DDX24: variants seen among roughly 807,000 people sequenced by gnomAD.
DDX24 encodes DEAD-box helicase 24.
In DDX24, 24 loss-of-function variants were observed where a neutral mutation model predicts 68.9. The ratio of observed to expected loss-of-function variants is 0.35; its 90% CI spans 0.25 to 0.49. The LOEUF (loss-of-function observed/expected upper bound fraction) is 0.49, where lower values mean the gene tolerates loss of function less well. Among genes scored for constraint, DDX24 ranks in the 20% least tolerant of loss-of-function variants. The pLI is 0.99. For synonymous variants in DDX24, 395 were observed against 385.2 expected, an observed-to-expected ratio of 1.03 and a Z score of -0.30; for missense variants, 989 against 1,039.0, an observed-to-expected ratio of 0.95 and a Z score of 0.66.
chr14:94,073,000 A>G (rs961161399), intron 2 of DDX24, among the ~76,000 whole-genome samples: 9 of 135,036 alleles, frequency 6.7e-5, no homozygotes, highest in Non-Finnish European at 1.2e-4. Context: ...CAGGTATGCT[A>G]TCAGTCAAAA....
At chr14:94,061,953 A>G in intron 3 of DDX24, 144 bp downstream of exon 3, 2 of 934,590 alleles carry the variant, frequency 2.1e-6, no homozygotes, top group Non-Finnish European at 3.1e-6. Flanking sequence ...ATGTCACTAT[A>G]TCAATTTTCT....
At chr14:94,062,672 G>C in intron 2 of DDX24, 51 bp from the exon 3 acceptor site, 1 of 1,540,744 alleles carries the variant, frequency 6.5e-7, no homozygotes, top group South Asian at 1.3e-5. Flanking sequence ...ATCAACAGAT[G>C]AACATACTTT....
intron 2 of DDX24, among the ~76,000 whole-genome samples, chr14:94,068,893 T>G (rs11160157): frequency 6.6e-6 from 1 of 151,862 alleles, no homozygotes; most frequent in Admixed American, 6.6e-5. Flanking sequence ...TAGCCCTAAA[T>G]GGCTACATCG....
intron 8 of DDX24, chr14:94,051,723 G>T: frequency 5.1e-6 from 2 of 392,382 alleles, no homozygotes; most frequent in Admixed American, 4.3e-5. Flanking sequence ...TTACAGATGA[G>T]GCAACTCAGG....
rs1194250450 is a variant in DDX24 at position 94,060,246 on chromosome 14, G to A, written c.1765C>T (p.Arg589Cys). Residue 589 changes from arginine (R) to cysteine (C), a missense_variant, in exon 5 of 9, where the codon CGC (arginine) becomes TGC (cysteine). By Grantham distance (180) the Arg-to-Cys change is radical. Coordinates refer to ENST00000621632, the MANE Select transcript of DDX24 (RefSeq NM_020414.4). ...LYYFLMQYPG[R>C]SLVFANSISC... ...ATACTGTTGGCAAACACTAAGCTGC[G>A]GCCTGGATACTGCATCAGGAAGTAG... 16 of 1,614,048 alleles carry A rather than the reference G, an allele frequency of 9.9e-6. No homozygotes were observed. Among genetic ancestry groups the A allele is most frequent in the Middle Eastern group, 1.6e-4 (1 of 6,084 alleles).
Position 94,055,122 on chromosome 14 carries a change from T to C in DDX24, c.2052A>G (p.Glu684=), listed in dbSNP as rs185805781. ...GCCCAATGAGCATCAGACTGAGGCC[T>C]TCATTGGTAGCTCGAGCAGTTCGAC... is the stretch of plus-strand genomic sequence containing the variant. The part of the protein sequence containing the change: ...RSGRTARATN[E]GLSLMLIGPE... Residue 684 remains glutamate (E), a synonymous_variant, in exon 7 of 9, where the codon GAA becomes GAG. Coordinates refer to ENST00000621632, the MANE Select transcript of DDX24 (RefSeq NM_020414.4). The C allele has an allele frequency of 3.1e-6, 5 of 1,614,182 alleles. No individual in the cohort carries two copies. The highest frequency in any genetic ancestry group is 4.5e-5 in the East Asian group (2 of 44,888).
intron 2 of DDX24, among the ~76,000 whole-genome samples, chr14:94,075,528 AAACCTAAGACTATT>A (rs1235537034): frequency 1.3e-5 from 2 of 152,232 alleles, no homozygotes; most frequent in African/African-American, 2.4e-5. Flanking sequence ...CCAAAACATA[AAACCTAAGACTATT>A]AACACTTCTA....
intron 6 of DDX24, chr14:94,057,364 ACCTCAGT>A (rs1208633784): frequency 6.4e-6 from 1 of 155,350 alleles, no homozygotes; most frequent in Non-Finnish European, 1.4e-5. Flanking sequence ...AACTTATTTT[ACCTCAGT>A]AAGAACCCTA....
At chr14:94,072,136 A>G (rs987032718) in intron 2 of DDX24, among the ~76,000 whole-genome samples, 2 of 152,264 alleles carry the variant, frequency 1.3e-5, no homozygotes, top group African/African-American at 4.8e-5. Context: ...TCATTATACA[A>G]AAAAGATACT....
intron 2 of DDX24, among the ~76,000 whole-genome samples, chr14:94,075,753 C>A (rs569604155): frequency 3.6e-4 from 55 of 152,194 alleles, no homozygotes; most frequent in Non-Finnish European, 6.5e-4. Context: ...ATTTGCAAAT[C>A]TCACATCTGA....
chr14:94,076,029 G>A (rs1345004818), intron 2 of DDX24, among the ~76,000 whole-genome samples: 3 of 152,142 alleles, frequency 2.0e-5, no homozygotes, highest in Admixed American at 6.5e-5. Context: ...TAGTGACAAC[G>A]TAAAATGGTA....
At position 94,062,583 on chromosome 14, in the gene DDX24, G is replaced by C. The variant is rs369157237; in HGVS notation, c.757C>G (p.His253Asp). The C allele has an allele frequency of 5.0e-6, 8 of 1,604,302 alleles. No homozygotes were observed. The African/African-American group carries it at 6.7e-5, about 13-fold the overall frequency. Reference protein sequence around the residue: ...KTLAFAIPMIHAVLQWQKRNA... With the variant: ...KTLAFAIPMIDAVLQWQKRNA... ...CTCTTCTGCCACTGCAACACCGCAT[G>C]AATCATTGGGATGGCAAAGGCAAGA... Residue 253 changes from histidine (H) to aspartate (D), a missense_variant, in exon 3 of 9, where the codon CAT becomes GAT. Physicochemically the swap from His to Asp is moderately conservative, Grantham distance 81. This residue lies in a region of DDX24 where 691 missense variants were observed against 760.0 expected (regional missense o/e 0.91). Coordinates refer to ENST00000621632, the MANE Select transcript of DDX24 (RefSeq NM_020414.4).
chr14:94,079,370 G>C lies in DDX24; in HGVS notation c.373C>G (p.Leu125Val). 1 of 1,614,014 alleles carries C rather than the reference G, an allele frequency of 6.2e-7. No individual in the cohort carries two copies. Among genetic ancestry groups the C allele is most frequent in the Non-Finnish European group, 8.5e-7 (1 of 1,180,006 alleles). ...ACCATGTCATCTCCCTGGGCCTCCAGCTCAGGATCTTTCACTTCAAATTCT... is the reference window on the plus strand; with the variant it reads ...ACCATGTCATCTCCCTGGGCCTCCACCTCAGGATCTTTCACTTCAAATTCT... ...QKEFEVKDPE[L>V]EAQGDDMVCD... Residue 125 changes from leucine (L) to valine (V), a missense_variant, in exon 2 of 9, where the codon CTG becomes GTG. Leu to Val is a conservative substitution (Grantham distance 32). Coordinates refer to ENST00000621632, the MANE Select transcript of DDX24 (RefSeq NM_020414.4).
rs775090659 is a variant in DDX24, at chr14:94,057,893, C to G, written c.1918G>C (p.Val640Leu). 3.7e-6 allele frequency: 6 copies of G among 1,613,908 alleles called. No homozygotes were observed. The South Asian group carries it at 6.6e-5, about 18-fold the overall frequency. The change falls in exon 6 of 9, where the codon GTT becomes CTT. Residue 640 changes from valine to leucine, a missense_variant. Around this residue, in one of 3 missense-constraint regions of DDX24, gnomAD observed 691 missense variants for 760.0 expected, o/e 0.91. Transcript: ENST00000621632. ...LEQFARLEDC[V>L]LLATDVAARG... The stretch of plus-strand genomic sequence containing the variant: ...GCTGCCACATCTGTTGCCAAGAGAA[C>G]ACAGCTGGGGTAGAGAGAGAAAGCT...
At chr14:94,054,684 T>C (rs1255957214) in intron 7 of DDX24, among the ~76,000 whole-genome samples, 1 of 152,168 alleles carries the variant, frequency 6.6e-6, no homozygotes, top group Non-Finnish European at 1.5e-5. Flanking sequence ...CTAACCACAC[T>C]GTCTACAACC....
At position 94,073,430 on chromosome 14, in the gene DDX24, G is replaced by A. The variant is rs1036991446; in HGVS notation, c.718+5595C>T. On this transcript the variant is annotated intron_variant, in intron 2 of 8. Transcript: ENST00000621632. The stretch of plus-strand genomic sequence containing the variant: ...CACGAACTGTCTGATTAAACAGCAA[G>A]ACCCATTTATATGCTGCCTATAAGA... Among the ~76,000 whole-genome samples, 100 of 152,170 alleles carry A rather than the reference G, an allele frequency of 6.6e-4. 2 individuals are homozygous for A. Among genetic ancestry groups the A allele is most frequent in the African/African-American group, 2.0e-3 (83 of 41,520 alleles).
intron 2 of DDX24, among the ~76,000 whole-genome samples, chr14:94,071,578 A>T (rs1885830162): frequency 6.6e-6 from 1 of 152,156 alleles, no homozygotes; most frequent in Non-Finnish European, 1.5e-5. Flanking sequence ...TGAACCTGGG[A>T]AGCGGAGGTT....
rs1567058547 is a variant in DDX24, at chr14:94,060,177, T to TC, written c.1833_1834insG (p.Ile612AspfsTer44). The TC allele has an allele frequency of 6.2e-7, 1 of 1,614,162 alleles. No individual in the cohort carries two copies. The highest frequency in any genetic ancestry group is 8.5e-7 in the Non-Finnish European group (1 of 1,180,032). ...CAGGCATGCAGGGTCAAGGGCATGA[T>TC]ATCAAGGACTTTGAGGAGCCCAGAG... On this transcript the variant is annotated frameshift_variant, in exon 5 of 9. Transcript: ENST00000621632. LOFTEE classifies it high-confidence loss of function.
In DDX24 at chr14:94,062,439, C is replaced by G. The variant is rs1459874599; in HGVS notation, c.901G>C (p.Asp301His). 4.3e-6 allele frequency: 7 copies of G among 1,614,196 alleles called. No homozygotes were observed. Among genetic ancestry groups the G allele is most frequent in the Non-Finnish European group, 5.9e-6 (7 of 1,180,036 alleles). Reference protein sequence around the residue: ...AEAESDALPDDTVIESEALPS... With the variant: ...AEAESDALPDHTVIESEALPS... ...AGTGCTTCACTCTCAATTACAGTAT[C>G]GTCAGGCAATGCATCAGACTCAGCT... The change falls in exon 3 of 9, where the codon GAT (aspartate) becomes CAT (histidine). Residue 301 changes from aspartate (D) to histidine (H), a missense_variant. This residue lies in a region of DDX24 where 691 missense variants were observed against 760.0 expected (regional missense o/e 0.91). Coordinates refer to ENST00000621632, the MANE Select transcript of DDX24 (RefSeq NM_020414.4).
Sources: allele counts gnomAD v4.1 joint callset (sites outside exome capture counted in the v4.1 genomes callset), GRCh38; gene constraint gnomAD v4.1.1; regional missense constraint gnomAD v4.1.1; transcripts MANE v1.5; gene names NCBI Gene and HGNC (gene_info 2026-07-23, HGNC 2026-07-21).